The following LINGO2 variants were observed in gnomAD, a reference collection of about 807,000 sequenced individuals.
The protein encoded by LINGO2 is leucine rich repeat and Ig domain containing 2, also known as leucine-rich repeat and immunoglobulin-like domain-containing nogo receptor-interacting protein 2.
LINGO2 carries 14 observed loss-of-function variants against 30.6 expected under a neutral mutation model. The observed-to-expected ratio is 0.46, with a 90% CI of 0.30 to 0.72. The LOEUF (loss-of-function observed/expected upper bound fraction) is 0.72, where lower values mean the gene tolerates loss of function less well. Among genes scored for constraint, LINGO2 ranks in the 30% least tolerant of loss-of-function variants. The probability of loss-of-function intolerance (pLI) is 0.07; values close to 1 mark genes in which losing one functional copy is unlikely to be tolerated. For synonymous variants in LINGO2, 317 were observed against 288.5 expected (o/e 1.10, Z -1.00); for missense variants, 729 against 751.7 (o/e 0.97, Z 0.35).
the LINGO2 span, among the ~76,000 whole-genome samples, chr9:28,861,691 G>A: frequency 1.3e-5 from 2 of 151,882 alleles, no homozygotes; most frequent in Non-Finnish European, 1.5e-5. Flanking sequence ...TTGAACCCAG[G>A]AAATCAAGGC....
At chr9:28,624,733 ATAGT>A (rs1428637556) in intron 1 of LINGO2, among the ~76,000 whole-genome samples, 1 of 150,896 alleles carries the variant, frequency 6.6e-6, no homozygotes, top group Non-Finnish European at 1.5e-5. Flanking sequence ...TTTTTTTGAA[ATAGT>A]TTGAGTAGGA....
At chr9:29,200,066 A>C in the LINGO2 span, among the ~76,000 whole-genome samples, 1 of 152,132 alleles carries the variant, frequency 6.6e-6, no homozygotes, top group East Asian at 1.9e-4. Context: ...GCTATTACAG[A>C]AATAGGAAAA....
chr9:28,942,035 T>C, the LINGO2 span, among the ~76,000 whole-genome samples: 1 of 152,126 alleles, frequency 6.6e-6, no homozygotes, highest in African/African-American at 2.4e-5. Flanking sequence ...GACTCTTCCC[T>C]TTTTTAAACC....
At chr9:28,336,944 G>A (rs1281502862) in intron 3 of LINGO2, among the ~76,000 whole-genome samples, 1 of 151,648 alleles carries the variant, frequency 6.6e-6, no homozygotes, top group South Asian at 2.1e-4. Context: ...ATTTCTCTCA[G>A]TAATTCTTTA....
At chr9:27,951,269 T>A (rs965557771) in intron 5 of LINGO2, among the ~76,000 whole-genome samples, 3 of 152,244 alleles carry the variant, frequency 2.0e-5, no homozygotes, top group Admixed American at 2.0e-4. Flanking sequence ...CATTTTCTAC[T>A]TTTAACCTTT....
At chr9:29,144,517 T>C in the LINGO2 span, among the ~76,000 whole-genome samples, 2 of 152,252 alleles carry the variant, frequency 1.3e-5, no homozygotes, top group East Asian at 3.9e-4. Flanking sequence ...GGATATGCTG[T>C]AGCTTGAGAA....
chr9:28,833,658 A>G, the LINGO2 span, among the ~76,000 whole-genome samples: 1 of 152,184 alleles, frequency 6.6e-6, no homozygotes, highest in Admixed American at 6.5e-5. Context: ...GGGAACATTC[A>G]CAGCCTGTGT....
At chr9:28,618,159 T>C (rs148341496) in intron 1 of LINGO2, among the ~76,000 whole-genome samples, 25 of 152,236 alleles carry the variant, frequency 1.6e-4, no homozygotes, top group Admixed American at 4.6e-4. Context: ...TTGGGCAAAT[T>C]AGTGATTTCC....
chr9:28,056,711 G>C (rs1824953443), intron 4 of LINGO2, among the ~76,000 whole-genome samples: 1 of 152,108 alleles, frequency 6.6e-6, no homozygotes, highest in Non-Finnish European at 1.5e-5. Flanking sequence ...GAAGAGACAG[G>C]GCCTGTGGCT....
chr9:28,031,353 GTTTT>G (rs141386644), intron 4 of LINGO2, among the ~76,000 whole-genome samples: 21 of 135,344 alleles, frequency 1.6e-4, no homozygotes, highest in Admixed American at 4.4e-4. Flanking sequence ...AAACAGGATG[GTTTT>G]TTTTTTTTTT....
At chr9:28,054,074 G>A (rs1044420921) in intron 4 of LINGO2, among the ~76,000 whole-genome samples, 11 of 150,044 alleles carry the variant, frequency 7.3e-5, no homozygotes, top group African/African-American at 2.8e-4. Context: ...CAAAAAAAAA[G>A]AGAAAGTGGG....
At chr9:28,497,575 G>A (rs1452312967) in intron 1 of LINGO2, among the ~76,000 whole-genome samples, 2 of 152,034 alleles carry the variant, frequency 1.3e-5, no homozygotes, top group East Asian at 1.9e-4. Flanking sequence ...CTTTTTTCAA[G>A]GTTTTTAGCT....
intron 5 of LINGO2, among the ~76,000 whole-genome samples, chr9:28,008,977 A>G (rs1449908873): frequency 3.3e-5 from 5 of 152,150 alleles, no homozygotes; most frequent in Non-Finnish European, 7.4e-5. Flanking sequence ...AAGAAAGAAT[A>G]TATTTGGATT....
At chr9:28,486,756 A>G (rs2135247544) in intron 1 of LINGO2, among the ~76,000 whole-genome samples, 1 of 152,138 alleles carries the variant, frequency 6.6e-6, no homozygotes, top group South Asian at 2.1e-4. Context: ...ATGAAACACA[A>G]CCTCATGTTC....
chr9:28,279,578 TTAAGA>T (rs1465319772), intron 4 of LINGO2, among the ~76,000 whole-genome samples: 2 of 152,198 alleles, frequency 1.3e-5, no homozygotes, highest in Non-Finnish European at 2.9e-5. Context: ...TTATTTTTAA[TTAAGA>T]TATGTACATT....
the LINGO2 span, among the ~76,000 whole-genome samples, chr9:28,867,326 T>C: frequency 6.6e-6 from 1 of 152,118 alleles, no homozygotes; most frequent in Non-Finnish European, 1.5e-5. Context: ...CTGGTTATTT[T>C]TTTCTCCCTT....
the LINGO2 span, among the ~76,000 whole-genome samples, chr9:29,004,686 T>C: frequency 6.6e-6 from 1 of 151,954 alleles, no homozygotes; most frequent in African/African-American, 2.4e-5. Flanking sequence ...TTCAGGTCTA[T>C]ATAACAGCAA....
chr9:28,585,872 T>C (rs945522038), intron 1 of LINGO2, among the ~76,000 whole-genome samples: 9 of 152,032 alleles, frequency 5.9e-5, no homozygotes, highest in African/African-American at 1.9e-4. Flanking sequence ...ATTTAATATG[T>C]TTGGGGAATC....
the LINGO2 span, among the ~76,000 whole-genome samples, chr9:29,160,682 G>A: frequency 6.6e-6 from 1 of 152,266 alleles, no homozygotes; most frequent in East Asian, 1.9e-4. Context: ...CTAATGCTAA[G>A]GGACAGATAT....
Sources: allele counts gnomAD v4.1 joint callset (sites outside exome capture counted in the v4.1 genomes callset), GRCh38; gene constraint gnomAD v4.1.1; transcripts MANE v1.5; gene names NCBI Gene and HGNC (gene_info 2026-07-23, HGNC 2026-07-21).